The following MAGI1 variants were observed in gnomAD, a reference collection of about 807,000 sequenced individuals.
The protein encoded by MAGI1 is membrane-associated guanylate kinase, WW and PDZ domain-containing protein 1.
MAGI1 carries 58 observed loss-of-function variants against 139.9 expected under a neutral mutation model. The observed-to-expected ratio is 0.41, with a 90% CI of 0.34 to 0.52. The LOEUF (loss-of-function observed/expected upper bound fraction) is 0.52, where lower values mean the gene tolerates loss of function less well. MAGI1 is among the 20% of genes least tolerant of loss of function. The pLI is 0.12. For synonymous variants in MAGI1, 812 were observed against 737.9 expected (o/e 1.10, Z -1.63); for missense variants, 1,874 against 1,901.6 (o/e 0.99, Z 0.27).
chr3:65,955,038 C>G (rs1436782579), intron 1 of MAGI1, among the ~76,000 whole-genome samples: 1 of 152,148 alleles, frequency 6.6e-6, no homozygotes, highest in Admixed American at 6.5e-5. Flanking sequence ...TTTGTGAAAT[C>G]AGAGCCCAGC....
chr3:65,986,506 C>T lies in MAGI1; in HGVS notation c.313+51490G>A, dbSNP rs118173942. Among the ~76,000 whole-genome samples, 293 of 152,282 alleles carry T rather than the reference C, an allele frequency of 1.9e-3. 11 individuals are homozygous for T. In the East Asian group the frequency reaches 0.047, roughly 25 times the overall value. ...AGCCAGTCCTAAAATTAGCTCTTGC[C>T]TTGATGTTCCCCAGGTGCAAGTGCA... On this transcript the variant is annotated intron_variant, in intron 1 of 22. Coordinates refer to ENST00000402939, the MANE Select transcript of MAGI1 (RefSeq NM_001033057.2).
Position 65,379,334 on chromosome 3 carries a change from C to CCGG in MAGI1, c.2919_2921dup (p.Arg975dup), listed in dbSNP as rs1450146948. ...AGCCGAAGCCCTCGTTCTCCCCGCG[C>CCGG]CGGATCTCCACGTCGTAGGGCTGCA... On this transcript the variant is annotated inframe_insertion, in exon 17 of 23. Coordinates refer to ENST00000402939, the MANE Select transcript of MAGI1 (RefSeq NM_001033057.2). 42 of 1,613,354 alleles carry CCGG rather than the reference C, an allele frequency of 2.6e-5. No individual in the cohort carries two copies. Among genetic ancestry groups the CCGG allele is most frequent in the Non-Finnish European group, 3.6e-5 (42 of 1,179,724 alleles).
At chr3:65,882,865 G>A (rs1016866117) in intron 1 of MAGI1, among the ~76,000 whole-genome samples, 4 of 150,422 alleles carry the variant, frequency 2.7e-5, no homozygotes, top group Middle Eastern at 3.4e-3. Context: ...AGCCCAGGAG[G>A]TTGAGGCTGC....
intron 1 of MAGI1, among the ~76,000 whole-genome samples, chr3:65,945,798 C>T (rs986126971): frequency 6.6e-5 from 10 of 152,192 alleles, no homozygotes; most frequent in African/African-American, 1.7e-4. Context: ...CTACCCAATT[C>T]GTGAATCATT....
At chr3:65,855,716 G>C (rs944503582) in intron 1 of MAGI1, among the ~76,000 whole-genome samples, 1 of 149,974 alleles carries the variant, frequency 6.7e-6, no homozygotes, top group African/African-American at 2.5e-5. Flanking sequence ...AAATCAGAAA[G>C]TAGGAGATAG....
intron 1 of MAGI1, among the ~76,000 whole-genome samples, chr3:65,695,179 G>A (rs538360743): frequency 6.6e-6 from 1 of 152,178 alleles, no homozygotes; most frequent in Non-Finnish European, 1.5e-5. Context: ...GTAGAAAAAA[G>A]AGGGTCAGAG....
chr3:65,366,643 G>C (rs1188216519), intron 18 of MAGI1, among the ~76,000 whole-genome samples: 2 of 152,116 alleles, frequency 1.3e-5, no homozygotes, highest in Non-Finnish European at 2.9e-5. Context: ...CTTAAGCAAA[G>C]TTACTTAAAT....
intron 1 of MAGI1, among the ~76,000 whole-genome samples, chr3:65,819,833 C>T (rs913368137): frequency 1.6e-5 from 2 of 128,582 alleles, no homozygotes; most frequent in African/African-American, 3.0e-5. Flanking sequence ...GCCGAGATCA[C>T]ACCACTGCAC....
chr3:65,534,165 G>A (rs1262796758), intron 2 of MAGI1, among the ~76,000 whole-genome samples: 1 of 152,138 alleles, frequency 6.6e-6, no homozygotes, highest in East Asian at 1.9e-4. Context: ...TCTACAGCAT[G>A]ATCACTGGCA....
intron 2 of MAGI1, among the ~76,000 whole-genome samples, chr3:65,507,037 A>G (rs1470154752): frequency 6.6e-6 from 1 of 152,226 alleles, no homozygotes; most frequent in Admixed American, 6.5e-5. Flanking sequence ...GCTACATCAA[A>G]GTAAACAAGA....
intron 2 of MAGI1, among the ~76,000 whole-genome samples, chr3:65,621,399 G>T (rs1287776882): frequency 6.6e-6 from 1 of 152,134 alleles, no homozygotes; most frequent in Non-Finnish European, 1.5e-5. Context: ...GTAATCTAAT[G>T]GTTTGGGGGT....
intron 1 of MAGI1, among the ~76,000 whole-genome samples, chr3:65,787,924 G>C (rs777287517): frequency 6.6e-6 from 1 of 152,110 alleles, no homozygotes; most frequent in Non-Finnish European, 1.5e-5. Context: ...GGAAAGTGAC[G>C]GGGTTAAGAA....
intron 1 of MAGI1, among the ~76,000 whole-genome samples, chr3:65,798,822 G>C (rs190553506): frequency 3.3e-5 from 5 of 152,278 alleles, no homozygotes; most frequent in Non-Finnish European, 7.3e-5. Context: ...ACCGTCCTGA[G>C]TGATGTGATG....
intron 1 of MAGI1, among the ~76,000 whole-genome samples, chr3:65,956,058 A>T (rs2064113043): frequency 6.6e-6 from 1 of 152,170 alleles, no homozygotes; most frequent in Non-Finnish European, 1.5e-5. Context: ...TCAAAACACC[A>T]GGACATCAAA....
At chr3:65,450,714 T>C (rs1024474556) in intron 6 of MAGI1, among the ~76,000 whole-genome samples, 1 of 152,168 alleles carries the variant, frequency 6.6e-6, no homozygotes, top group African/African-American at 2.4e-5. Flanking sequence ...AGTCATTCAC[T>C]AACATCAAAA....
At chr3:65,379,604 A>G in intron 16 of MAGI1, 50 bp from the exon 17 acceptor site, 2 of 1,564,060 alleles carry the variant, frequency 1.3e-6, no homozygotes, top group Non-Finnish European at 1.7e-6. Context: ...CAGCCCCTCC[A>G]TCCTGCTGCC....
intron 1 of MAGI1, among the ~76,000 whole-genome samples, chr3:65,828,258 G>A (rs1005108915): frequency 4.6e-5 from 7 of 152,110 alleles, no homozygotes; most frequent in Non-Finnish European, 8.8e-5. Flanking sequence ...GGACCATCAG[G>A]TTCTGTCCAA....
intron 1 of MAGI1, among the ~76,000 whole-genome samples, chr3:65,754,057 G>A (rs1463795708): frequency 6.8e-6 from 1 of 147,854 alleles, no homozygotes; most frequent in Non-Finnish European, 1.5e-5. Flanking sequence ...TTGATCTTAG[G>A]GATTCCCAAA....
chr3:65,934,109 C>A (rs886770149), intron 1 of MAGI1, among the ~76,000 whole-genome samples: 1 of 151,994 alleles, frequency 6.6e-6, no homozygotes, highest in African/African-American at 2.4e-5. Flanking sequence ...CACGACAGAG[C>A]GAGACTCTGT....
Sources: allele counts gnomAD v4.1 joint callset (sites outside exome capture counted in the v4.1 genomes callset), GRCh38; gene constraint gnomAD v4.1.1; transcripts MANE v1.5; gene names NCBI Gene and HGNC (gene_info 2026-07-23, HGNC 2026-07-21).